Variants in NDUFA5 observed in about 807,000 individuals in gnomAD.
NDUFA5 encodes NADH dehydrogenase [ubiquinone] 1 alpha subcomplex subunit 5.
In NDUFA5, 11 loss-of-function variants were observed where a neutral mutation model predicts 19.8. That is an observed-to-expected ratio of 0.56 (90% CI 0.35 to 0.92). The LOEUF (loss-of-function observed/expected upper bound fraction) is 0.92. Ranked by LOEUF, NDUFA5 falls within the 40% of genes least tolerant of loss-of-function variation. The pLI is 0.01. For synonymous variants in NDUFA5, 47 were observed against 46.8 expected, an observed-to-expected ratio of 1.00 and a Z score of -0.01; for missense variants, 109 against 134.2, an observed-to-expected ratio of 0.81 and a Z score of 0.93.
Position 123,539,704 on chromosome 7 carries a change from G to C in NDUFA5, c.*2415C>G, listed in dbSNP as rs1797863547. The C allele has an allele frequency of 1.3e-5, 2 of 152,208 alleles. No individual in the cohort carries two copies. Among genetic ancestry groups the C allele is most frequent in the Non-Finnish European group, 2.9e-5 (2 of 68,040 alleles). The allele number at this position is 152,208 out of a possible 1,614,324, so 9.4% of individuals were successfully genotyped here. A position where few individuals can be genotyped will look rare whatever the true frequency, so the allele number is the denominator to read the frequency against. On this transcript the variant is annotated 3_prime_UTR_variant, in exon 5 of 5. Transcript: ENST00000355749. ...CAGGTGTAAAGTTCTGTGAGCAATT[G>C]AGACAGGAGAAAGAACCAATGACCA...
the NDUFA5 span, among the ~76,000 whole-genome samples, chr7:123,579,769 TTGGC>T: frequency 1.3e-5 from 2 of 152,072 alleles, no homozygotes; most frequent in Non-Finnish European, 2.9e-5. Context: ...CATTGTGGAT[TTGGC>T]TTAAGACTCC....
upstream of NDUFA5, among the ~76,000 whole-genome samples, chr7:123,559,697 A>T (rs1798663577): frequency 6.6e-6 from 1 of 152,044 alleles, no homozygotes; most frequent in South Asian, 2.1e-4. Flanking sequence ...CTCTACTAAA[A>T]ATACAAAAAT....
the NDUFA5 span, among the ~76,000 whole-genome samples, chr7:123,574,198 CT>C: frequency 6.0e-5 from 9 of 149,614 alleles, no homozygotes; most frequent in East Asian, 2.0e-4. Flanking sequence ...GTTCCATCTC[CT>C]TTTTTTTTCT....
intron 4 of NDUFA5, among the ~76,000 whole-genome samples, chr7:123,543,043 T>C (rs936541832): frequency 1.3e-5 from 2 of 152,160 alleles, no homozygotes; most frequent in Non-Finnish European, 2.9e-5. Flanking sequence ...TAATTATTAT[T>C]ACACAGTTAA....
upstream of NDUFA5, among the ~76,000 whole-genome samples, chr7:123,560,831 T>G (rs1044289840): frequency 6.6e-6 from 1 of 152,152 alleles, no homozygotes; most frequent in Non-Finnish European, 1.5e-5. Context: ...TTTATTGAGG[T>G]TTAGAGCTGT....
intron 1 of NDUFA5, 33 bp from the exon 2 acceptor site, chr7:123,557,481 T>C: frequency 6.2e-7 from 1 of 1,613,058 alleles, no homozygotes; most frequent in East Asian, 2.2e-5. Flanking sequence ...TCATGCTGTT[T>C]ACTACGGTTT....
Position 123,557,310 on chromosome 7 carries a change from A to G in NDUFA5, c.66+94T>C, listed in dbSNP as rs528376686. 4.0e-5 allele frequency: 62 copies of G among 1,566,508 alleles called. No homozygotes were observed. In the Admixed American group the frequency reaches 1.1e-3, roughly 27 times the overall value. On this transcript the variant is annotated intron_variant, in intron 2 of 4. Coordinates refer to ENST00000355749, the MANE Select transcript of NDUFA5 (RefSeq NM_005000.5). Reference sequence around the variant, plus strand: ...CGCGGCTTGTAATTAAGGGCTTGAAACATCTGTATCCCGTTAACCCTGCAA... The same window carrying G: ...CGCGGCTTGTAATTAAGGGCTTGAAGCATCTGTATCCCGTTAACCCTGCAA...
At position 123,540,333 on chromosome 7, in the gene NDUFA5, C is replaced by T. The variant is rs541753236; in HGVS notation, c.*1786G>A. 4 of 152,192 alleles carry T rather than the reference C, an allele frequency of 2.6e-5. No individual in the cohort carries two copies. Among genetic ancestry groups the T allele is most frequent in the African/African-American group, 9.6e-5 (4 of 41,512 alleles). 9.4% of individuals were successfully genotyped at this position (152,192 alleles called of 1,614,324 possible). ...CTAATGCAAACACCAGTAAGGTCCC[C>T]TTTTAGCAAAAAAGTTCAGTAACAC... On this transcript the variant is annotated 3_prime_UTR_variant, in exon 5 of 5. Coordinates refer to ENST00000355749, the MANE Select transcript of NDUFA5 (RefSeq NM_005000.5).
At chr7:123,549,217 T>C (rs1584693670) in intron 3 of NDUFA5, among the ~76,000 whole-genome samples, 2 of 152,150 alleles carry the variant, frequency 1.3e-5, no homozygotes, top group East Asian at 3.8e-4. Context: ...CAGTCTATTA[T>C]TGGCTGTATG....
upstream of NDUFA5, chr7:123,557,884 C>A: frequency 1.2e-6 from 2 of 1,609,112 alleles, no homozygotes; most frequent in South Asian, 2.2e-5. Flanking sequence ...ACTCTGTCAC[C>A]CTGGAAACAG....
chr7:123,584,732 T>C, the NDUFA5 span: 1 of 151,986 alleles, frequency 6.6e-6, no homozygotes, highest in Admixed American at 6.6e-5. Flanking sequence ...GAAACAATTC[T>C]ATTCACGAAG....
Position 123,557,386 on chromosome 7 carries a change from A to G in NDUFA5, c.66+18T>C. The G allele has an allele frequency of 6.2e-7, 1 of 1,613,846 alleles. No homozygotes were observed. The highest frequency in any genetic ancestry group is 8.5e-7 in the Non-Finnish European group (1 of 1,179,892). Reference sequence around the variant, plus strand: ...TTCCTTGGGAATTCAAGAACGAAGAAAGAACAAAGGTACATACCTCGTGAG... The same window carrying G: ...TTCCTTGGGAATTCAAGAACGAAGAGAGAACAAAGGTACATACCTCGTGAG... On this transcript the variant is annotated intron_variant, in intron 2 of 4. Transcript: ENST00000355749.
the NDUFA5 span, among the ~76,000 whole-genome samples, chr7:123,573,485 A>G: frequency 6.6e-6 from 1 of 152,052 alleles, no homozygotes; most frequent in African/African-American, 2.4e-5. Flanking sequence ...CCACGGTTCT[A>G]GTCCTCAAGC....
chr7:123,598,039 C>T, the NDUFA5 span, among the ~76,000 whole-genome samples: 1 of 150,852 alleles, frequency 6.6e-6, no homozygotes, highest in Non-Finnish European at 1.5e-5. Context: ...CAATGGTAAG[C>T]TTTTGGGACT....
chr7:123,572,776 G>A, the NDUFA5 span, among the ~76,000 whole-genome samples: 126 of 149,954 alleles, frequency 8.4e-4, 1 homozygote, highest in African/African-American at 2.9e-3. Context: ...TTTTTAATTA[G>A]ATGAGTTTTA....
chr7:123,557,939 C>A, upstream of NDUFA5: 1 of 1,400,586 alleles, frequency 7.1e-7, no homozygotes, highest in Non-Finnish European at 9.9e-7. Flanking sequence ...AAAGACTCTG[C>A]CCCGCCCATC....
the NDUFA5 span, among the ~76,000 whole-genome samples, chr7:123,592,619 T>C: frequency 2.0e-5 from 3 of 152,190 alleles, no homozygotes; most frequent in South Asian, 6.2e-4. Flanking sequence ...TAATCCTTAT[T>C]TCTAATTTGA....
At chr7:123,574,087 G>A in the NDUFA5 span, among the ~76,000 whole-genome samples, 5 of 152,020 alleles carry the variant, frequency 3.3e-5, no homozygotes, top group East Asian at 9.6e-4. Flanking sequence ...ATGATTGTTA[G>A]CCTGTTAAAT....
the NDUFA5 span, among the ~76,000 whole-genome samples, chr7:123,572,131 CTTTTTTT>C: frequency 3.8e-4 from 18 of 47,992 alleles, no homozygotes; most frequent in South Asian, 2.3e-3. Flanking sequence ...TGTAGAATTT[CTTTTTTT>C]TTTTTTTTTT....
Sources: gnomAD v4.1 joint callset for allele counts (sites outside exome capture counted in the v4.1 genomes callset) on GRCh38, gnomAD v4.1.1 for gene constraint, MANE v1.5 for transcripts, NCBI Gene and HGNC (gene_info 2026-07-23, HGNC 2026-07-21) for gene names.